DAW1: variants seen among roughly 807,000 people sequenced by gnomAD.
The protein encoded by DAW1 is dynein assembly factor with WD repeats 1.
DAW1 carries 47 observed loss-of-function variants against 56.5 expected under a neutral mutation model. The observed-to-expected ratio is 0.83, with a 90% confidence interval of 0.66 to 1.06. The LOEUF is 1.06. Among genes scored for constraint, DAW1 ranks in the 50% least tolerant of loss-of-function variants. The probability of loss-of-function intolerance (pLI) is 0.00; values close to 1 mark genes in which losing one functional copy is unlikely to be tolerated. For missense variants in DAW1, 505 were observed against 499.3 expected (o/e 1.01, Z -0.11); for synonymous variants, 190 against 179.0 (o/e 1.06, Z -0.49).
intron 11 of DAW1, among the ~76,000 whole-genome samples, chr2:227,920,876 C>T (rs180863068): frequency 1.3e-5 from 2 of 152,214 alleles, no homozygotes; most frequent in Admixed American, 6.5e-5. Flanking sequence ...GACGGGGTTT[C>T]GCCATGTTGG....
intron 2 of DAW1, among the ~76,000 whole-genome samples, chr2:227,888,221 C>T (rs1234467191): frequency 6.6e-6 from 1 of 152,180 alleles, no homozygotes; most frequent in Non-Finnish European, 1.5e-5. Context: ...ATTGAATGAG[C>T]AGGTTCCTAG....
intron 12 of DAW1, among the ~76,000 whole-genome samples, chr2:227,923,450 C>T (rs1692154580): frequency 6.6e-6 from 1 of 152,104 alleles, no homozygotes; most frequent in South Asian, 2.1e-4. Flanking sequence ...ATGTTATGTG[C>T]CTGGTCCCTG....
intron 10 of DAW1, among the ~76,000 whole-genome samples, chr2:227,908,130 C>T (rs886526988): frequency 5.3e-5 from 8 of 152,162 alleles, no homozygotes; most frequent in Non-Finnish European, 1.2e-4. Flanking sequence ...CTGTCATCTC[C>T]CTGTTGCTCA....
intron 11 of DAW1, among the ~76,000 whole-genome samples, chr2:227,920,075 C>T (rs558719546): frequency 3.9e-5 from 6 of 152,194 alleles, no homozygotes; most frequent in Admixed American, 2.0e-4. Flanking sequence ...GGAAGCCTGG[C>T]CCATGTTTCT....
Position 227,890,103 on chromosome 2 carries a change from T to C in DAW1, c.258+103T>C, listed in dbSNP as rs1484304870. On this transcript the variant is annotated intron_variant, in intron 3 of 12. Coordinates refer to ENST00000309931, the MANE Select transcript of DAW1 (RefSeq NM_178821.3). ...AATATTTTTTCATGAAAAAGGCATG[T>C]CAGTGATTGATTGTAGTGCCTCACA... is the stretch of plus-strand genomic sequence containing the variant. 6 of 1,229,118 alleles carry C rather than the reference T, an allele frequency of 4.9e-6. No individual in the cohort carries two copies. The East Asian group carries it at 1.1e-4, about 23-fold the overall frequency. 76.1% of individuals were successfully genotyped at this position (1,229,118 alleles called of 1,614,324 possible). A position where few individuals can be genotyped will look rare whatever the true frequency, so the allele number is the denominator to read the frequency against.
intron 6 of DAW1, among the ~76,000 whole-genome samples, chr2:227,902,326 T>C (rs1691566224): frequency 2.0e-5 from 3 of 152,026 alleles, no homozygotes; most frequent in Non-Finnish European, 4.4e-5. Flanking sequence ...GCTAACAGTG[T>C]CGAGGATACT....
At chr2:227,873,077 T>C (rs915095175) in intron 1 of DAW1, among the ~76,000 whole-genome samples, 3 of 152,208 alleles carry the variant, frequency 2.0e-5, no homozygotes, top group Non-Finnish European at 4.4e-5. Flanking sequence ...CTGACTTCTT[T>C]AGCTTGTTCT....
chr2:227,922,001 G>A (rs1202074416), intron 12 of DAW1, among the ~76,000 whole-genome samples: 1 of 152,142 alleles, frequency 6.6e-6, no homozygotes, highest in Non-Finnish European at 1.5e-5. Context: ...AAAAAATAGA[G>A]CATTAGCTGG....
chr2:227,918,694 G>GAT, intron 10 of DAW1, 86 bp from the exon 11 acceptor site: 2 of 1,411,410 alleles, frequency 1.4e-6, no homozygotes, highest in Non-Finnish European at 2.0e-6. Flanking sequence ...GTGTCAGGGG[G>GAT]ATATATATTT....
rs190238798 is a variant in DAW1 at position 227,888,751 on chromosome 2, T to C, written c.114-1105T>C. Among the ~76,000 whole-genome samples, 87 of 152,372 alleles carry C rather than the reference T, an allele frequency of 5.7e-4. No individual in the cohort carries two copies. In the East Asian group the frequency reaches 0.016, roughly 27 times the overall value. On this transcript the variant is annotated intron_variant, in intron 2 of 12. Transcript: ENST00000309931. ...CATGATTTGTGAAATGGCTCTTTTT[T>C]GGATGCTTCATGGTGTATATACATT...
intron 5 of DAW1, among the ~76,000 whole-genome samples, chr2:227,896,824 A>G (rs529223451): frequency 4.2e-4 from 64 of 152,204 alleles, no homozygotes; most frequent in Middle Eastern, 3.4e-3. Context: ...TCAAGAAACA[A>G]CAGCAACTCC....
chr2:227,889,746 A>G, intron 2 of DAW1, 110 bp from the exon 3 acceptor site: 1 of 939,270 alleles, frequency 1.1e-6, no homozygotes, highest in East Asian at 3.1e-5. Flanking sequence ...GGTGTTTTTG[A>G]CATTTTATAA....
chr2:227,913,924 T>TTC (rs1691890314), intron 10 of DAW1, among the ~76,000 whole-genome samples: 8 of 117,538 alleles, frequency 6.8e-5, no homozygotes, highest in African/African-American at 1.9e-4. Context: ...TCTGTCTATC[T>TTC]ATCTTCATCA....
rs1365599534 is a variant in DAW1, at chr2:227,906,298, G to T, written c.818G>T (p.Cys273Phe). The change falls in exon 9 of 13, where the codon TGC becomes TTC. Residue 273 changes from cysteine (C) to phenylalanine (F), a missense_variant. Transcript: ENST00000309931. ...AGCAGTGCCTCATTCAATTGGGATT[G>T]CTCTCTAATATTAACTGGCTCTATG... ...EISSASFNWD[C>F]SLILTGSMDK... is the part of the protein sequence containing the mutation. The T allele has an allele frequency of 1.2e-6, 2 of 1,613,098 alleles. No individual in the cohort carries two copies. The highest frequency in any genetic ancestry group is 4.5e-5 in the East Asian group (2 of 44,836).
chr2:227,893,603 T>C (rs189195558), intron 4 of DAW1, among the ~76,000 whole-genome samples, 192 bp from the exon 5 acceptor site: 283 of 149,246 alleles, frequency 1.9e-3, no homozygotes, highest in Non-Finnish European at 3.0e-3. Context: ...ACCTGTGAGG[T>C]AGAGGTTGCA....
At chr2:227,892,889 A>G (rs1442493486) in intron 4 of DAW1, among the ~76,000 whole-genome samples, 1 of 152,244 alleles carries the variant, frequency 6.6e-6, no homozygotes, top group African/African-American at 2.4e-5. Flanking sequence ...TGAAGGAATG[A>G]TTAAGATGCT....
At chr2:227,911,231 TATATATAC>T (rs371618624) in intron 10 of DAW1, among the ~76,000 whole-genome samples, 2,027 of 141,574 alleles carry the variant, frequency 0.014, 81 homozygotes, top group African/African-American at 0.054. Flanking sequence ...TACATATGTG[TATATATAC>T]ATATATACAT....
At chr2:227,912,308 C>T (rs1320545761) in intron 10 of DAW1, 1 of 1,232,288 alleles carries the variant, frequency 8.1e-7, no homozygotes. Flanking sequence ...TCTTGGCTCA[C>T]TGCAACCTGC....
chr2:227,879,016 C>A (rs903987931), intron 1 of DAW1, among the ~76,000 whole-genome samples: 1 of 151,994 alleles, frequency 6.6e-6, no homozygotes, highest in African/African-American at 2.4e-5. Context: ...GAACTCCTGG[C>A]CTCAAGTGAC....
Sources: allele counts gnomAD v4.1 joint callset (sites outside exome capture counted in the v4.1 genomes callset), GRCh38; gene constraint gnomAD v4.1.1; transcripts MANE v1.5; gene names NCBI Gene and HGNC (gene_info 2026-07-23, HGNC 2026-07-21).